EPHA5: variants seen among roughly 807,000 people sequenced by gnomAD.
EPHA5 encodes ephrin type-A receptor 5.
In EPHA5, 60 loss-of-function variants were observed where a neutral mutation model predicts 105.0. The ratio of observed to expected loss-of-function variants is 0.57; its 90% CI spans 0.46 to 0.71. The LOEUF is 0.71. EPHA5 is among the 30% of genes least tolerant of loss of function. The pLI, the probability that EPHA5 is intolerant of heterozygous loss-of-function variation, is 0.00. For synonymous variants in EPHA5, 513 were observed against 449.1 expected, an observed-to-expected ratio of 1.14 and a Z score of -1.80; for missense variants, 1,218 against 1,274.7, an observed-to-expected ratio of 0.96 and a Z score of 0.68.
intron 8 of EPHA5, among the ~76,000 whole-genome samples, chr4:65,391,906 CTTG>C (rs1312577857): frequency 6.6e-6 from 1 of 152,076 alleles, no homozygotes; most frequent in Non-Finnish European, 1.5e-5. Flanking sequence ...GTGATATTAA[CTTG>C]TTGTTTCCAG....
chr4:65,553,021 A>G (rs1738072551), intron 3 of EPHA5, among the ~76,000 whole-genome samples: 1 of 152,066 alleles, frequency 6.6e-6, no homozygotes. Flanking sequence ...TCCATTTTAG[A>G]TAGAAGAGCT....
chr4:65,622,745 T>C (rs1429755774), intron 2 of EPHA5, among the ~76,000 whole-genome samples: 2 of 152,056 alleles, frequency 1.3e-5, no homozygotes, highest in Non-Finnish European at 2.9e-5. Flanking sequence ...GGAACATAAC[T>C]CCTGTATAAA....
At chr4:65,474,021 G>T (rs1729549154) in intron 5 of EPHA5, among the ~76,000 whole-genome samples, 1 of 151,284 alleles carries the variant, frequency 6.6e-6, no homozygotes, top group Non-Finnish European at 1.5e-5. Context: ...GGCCTGTTGT[G>T]GGGTGGGGGG....
intron 3 of EPHA5, among the ~76,000 whole-genome samples, chr4:65,587,761 A>C (rs778257272): frequency 6.6e-6 from 1 of 152,122 alleles, no homozygotes; most frequent in South Asian, 2.1e-4. Flanking sequence ...TATTTGTTCC[A>C]TCTTCCCGCT....
chr4:65,577,003 C>T (rs1204189694), intron 3 of EPHA5, among the ~76,000 whole-genome samples: 1 of 152,106 alleles, frequency 6.6e-6, no homozygotes, highest in Non-Finnish European at 1.5e-5. Context: ...AAAACAAGTC[C>T]CAGTGTTCTT....
intron 3 of EPHA5, among the ~76,000 whole-genome samples, chr4:65,503,855 A>G (rs1213545758): frequency 6.6e-6 from 1 of 151,512 alleles, no homozygotes; most frequent in Non-Finnish European, 1.5e-5. Context: ...ATATTAACAT[A>G]CACATTTTTA....
rs370707658 is a variant in EPHA5 at position 65,494,082 on chromosome 4, G to C, written c.1066+1306C>G. ...TCCATTGATATGTATCCTTACAAAA[G>C]AGCATATAAAAATTGCATTTATTCA... On this transcript the variant is annotated intron_variant, in intron 4 of 16. Coordinates refer to ENST00000613740, the MANE Select transcript of EPHA5 (RefSeq NM_001281766.3). Among the ~76,000 whole-genome samples, 12 of 152,128 alleles carry C rather than the reference G, an allele frequency of 7.9e-5. 1 individual carries two copies. The South Asian group carries it at 2.3e-3, about 29-fold the overall frequency.
In EPHA5 at chr4:65,359,571, C is replaced by G. The variant is rs542108988; in HGVS notation, c.2173+5446G>C. Among the ~76,000 whole-genome samples the G allele has an allele frequency of 2.0e-5, 3 of 151,586 alleles. No homozygotes were observed. The East Asian group carries it at 5.9e-4, about 30-fold the overall frequency. On this transcript the variant is annotated intron_variant, in intron 11 of 16. Transcript: ENST00000613740. ...TTGCAACTCCTTTTTTGGAGGTACT[C>G]AAGACAAATAATTTATAGTTATCAT...
At chr4:65,468,481 C>T (rs1578185177) in intron 5 of EPHA5, among the ~76,000 whole-genome samples, 1 of 143,878 alleles carries the variant, frequency 7.0e-6, no homozygotes, top group Non-Finnish European at 1.5e-5. Flanking sequence ...ATCATACACA[C>T]ATATGGTATG....
chr4:65,605,978 A>G (rs372652294), intron 2 of EPHA5, among the ~76,000 whole-genome samples: 366 of 152,284 alleles, frequency 2.4e-3, no homozygotes, highest in African/African-American at 8.5e-3. Flanking sequence ...GACCAAAAAA[A>G]AAGGATTTAC....
At chr4:65,555,861 T>C (rs1005724826) in intron 3 of EPHA5, among the ~76,000 whole-genome samples, 7 of 152,132 alleles carry the variant, frequency 4.6e-5, no homozygotes, top group Admixed American at 3.3e-4. Context: ...CTGTATTTAT[T>C]TAGAAGCTCT....
At chr4:65,335,838 A>G (rs375505521) in intron 15 of EPHA5, 94 bp downstream of exon 15, 3 of 1,260,830 alleles carry the variant, frequency 2.4e-6, no homozygotes, top group Non-Finnish European at 3.3e-6. Context: ...TCACAGATTA[A>G]TGTCTATACG....
chr4:65,395,987 G>A (rs1355837092), intron 8 of EPHA5, among the ~76,000 whole-genome samples: 1 of 152,128 alleles, frequency 6.6e-6, no homozygotes, highest in East Asian at 1.9e-4. Flanking sequence ...TTCCAAATTG[G>A]CAGGGCAGGA....
chr4:65,518,381 A>G (rs1734312014), intron 3 of EPHA5, among the ~76,000 whole-genome samples: 1 of 151,710 alleles, frequency 6.6e-6, no homozygotes, highest in Non-Finnish European at 1.5e-5. Flanking sequence ...TCATTTTGCC[A>G]TATTTTTGTT....
At chr4:65,462,122 C>T (rs1425261539) in intron 5 of EPHA5, among the ~76,000 whole-genome samples, 2 of 152,020 alleles carry the variant, frequency 1.3e-5, no homozygotes, top group African/African-American at 4.8e-5. Flanking sequence ...TAGGAATCGT[C>T]TGTGTTGATT....
chr4:65,588,152 A>C (rs1435836931), intron 3 of EPHA5, among the ~76,000 whole-genome samples: 4 of 152,136 alleles, frequency 2.6e-5, no homozygotes, highest in African/African-American at 4.8e-5. Context: ...GGATGTTGTC[A>C]AGCTTAAAAG....
intron 3 of EPHA5, among the ~76,000 whole-genome samples, chr4:65,547,156 G>A (rs565239563): frequency 1.9e-4 from 29 of 152,002 alleles, no homozygotes; most frequent in Admixed American, 1.7e-3. Context: ...TGTGTGAAAT[G>A]CGTCACAAAC....
chr4:65,418,862 CT>C (rs575608289), intron 6 of EPHA5, among the ~76,000 whole-genome samples: 136 of 47,022 alleles, frequency 2.9e-3, no homozygotes, highest in Non-Finnish European at 3.2e-3. Flanking sequence ...TACCTAAACT[CT>C]TTTTTTTTTT....
rs1182608162 is a variant in EPHA5, at chr4:65,576,004, AAG to A, written c.910+25635_910+25636del. Among the ~76,000 whole-genome samples the A allele has an allele frequency of 9.6e-4, 60 of 62,508 alleles. 1 individual carries two copies. Among genetic ancestry groups the A allele is most frequent in the African/African-American group, 3.4e-3 (58 of 17,074 alleles). 41.0% of individuals were successfully genotyped at this position (62,508 alleles called of 152,430 possible). Reference sequence around the variant, plus strand: ...AGAAAGAGAGAGAGAGAGAGAGAGAAAGAAAGAAAGAAAGAAAGAAAGAAAGA... The same window carrying A: ...AGAAAGAGAGAGAGAGAGAGAGAGAAAAAGAAAGAAAGAAAGAAAGAAAGA... On this transcript the variant is annotated intron_variant, in intron 3 of 16. Transcript: ENST00000613740.
Sources: gnomAD v4.1 joint callset for allele counts (sites outside exome capture counted in the v4.1 genomes callset) on GRCh38, gnomAD v4.1.1 for gene constraint, MANE v1.5 for transcripts, NCBI Gene and HGNC (gene_info 2026-07-23, HGNC 2026-07-21) for gene names.